MAP2: variants seen among roughly 807,000 people sequenced by gnomAD.
MAP2 encodes the protein microtubule-associated protein 2.
A neutral mutation model predicts 137.6 loss-of-function variants in MAP2; 14 were observed. The ratio of observed to expected loss-of-function variants is 0.10; its 90% CI spans 0.07 to 0.16. The LOEUF is 0.16. Among genes scored for constraint, MAP2 ranks in the 10% least tolerant of loss-of-function variants. MAP2 has a pLI of 1.00. For synonymous variants in MAP2, 786 were observed against 782.3 expected (o/e 1.00, Z -0.08); for missense variants, 2,088 against 2,191.5 (o/e 0.95, Z 0.94).
chr2:209,454,662 C>T (rs923366095), intron 1 of MAP2, among the ~76,000 whole-genome samples: 3 of 152,058 alleles, frequency 2.0e-5, no homozygotes, highest in Admixed American at 1.3e-4. Flanking sequence ...TTAGTAAATT[C>T]CACTGCATAG....
intron 13 of MAP2, among the ~76,000 whole-genome samples, chr2:209,712,805 C>T (rs1174098990): frequency 6.6e-6 from 1 of 152,054 alleles, no homozygotes; most frequent in Non-Finnish European, 1.5e-5. Flanking sequence ...TATTTTAGGG[C>T]TTCTTAGAAA....
At chr2:209,529,699 A>T (rs2064791770) in intron 2 of MAP2, among the ~76,000 whole-genome samples, 1 of 152,200 alleles carries the variant, frequency 6.6e-6, no homozygotes, top group Non-Finnish European at 1.5e-5. Flanking sequence ...GCAAGATGAA[A>T]AATGGTCCAT....
At position 209,641,480 on chromosome 2, in the gene MAP2, G is replaced by A. The variant is rs112971877; in HGVS notation, c.-29-11662G>A. On this transcript the variant is annotated intron_variant, in intron 4 of 15. Coordinates refer to ENST00000682079, the MANE Select transcript of MAP2 (RefSeq NM_001375505.1). ...GAAAAATTCTAATGTAGGGGTCAAA[G>A]TTTATTTGTTCAATGGCTCCATAGT... is the stretch of plus-strand genomic sequence containing the variant. Among the ~76,000 whole-genome samples, 318 of 151,430 alleles carry A rather than the reference G, an allele frequency of 2.1e-3. 3 individuals carry two copies. The highest frequency in any genetic ancestry group is 6.8e-3 in the African/African-American group (280 of 41,254).
Position 209,614,390 on chromosome 2 carries a change from T to G in MAP2, c.-106-10663T>G, listed in dbSNP as rs1443522607. On this transcript the variant is annotated intron_variant, in intron 3 of 15. Coordinates refer to ENST00000682079, the MANE Select transcript of MAP2 (RefSeq NM_001375505.1). ...TATTTATAGGGAGGCAGCCTCTTCT[T>G]TGTTTTTGTTTCCAGCAATCTCTAT... Among the ~76,000 whole-genome samples the G allele has an allele frequency of 2.6e-5, 4 of 152,128 alleles. No homozygotes were observed. The East Asian group carries it at 7.7e-4, about 29-fold the overall frequency.
chr2:209,536,772 A>AT (rs544016185), intron 2 of MAP2, among the ~76,000 whole-genome samples: 12 of 152,136 alleles, frequency 7.9e-5, no homozygotes, highest in East Asian at 5.8e-4. Context: ...ATATGATAGT[A>AT]TTTTTTTTCA....
chr2:209,708,135 A>G (rs1429163473), intron 12 of MAP2, among the ~76,000 whole-genome samples: 2 of 152,190 alleles, frequency 1.3e-5, no homozygotes, highest in Non-Finnish European at 2.9e-5. Context: ...GAAAGAAATA[A>G]TGTTTCTGGA....
intron 1 of MAP2, among the ~76,000 whole-genome samples, chr2:209,501,354 A>T (rs891314262): frequency 2.0e-5 from 3 of 152,186 alleles, no homozygotes; most frequent in Admixed American, 6.5e-5. Context: ...GTGAGGTATA[A>T]TCAGGCCTAT....
chr2:209,632,213 G>A (rs763727348), intron 4 of MAP2, among the ~76,000 whole-genome samples: 2 of 152,148 alleles, frequency 1.3e-5, no homozygotes, highest in African/African-American at 2.4e-5. Flanking sequence ...TGTAGCTGAG[G>A]ATAACAGTCA....
chr2:209,483,188 G>T (rs577843260), intron 1 of MAP2, among the ~76,000 whole-genome samples: 102 of 152,188 alleles, frequency 6.7e-4, no homozygotes, highest in Non-Finnish European at 1.3e-3. Flanking sequence ...AACAAATTAT[G>T]TTTGCTTATA....
At chr2:209,475,803 A>G (rs1186426977) in intron 1 of MAP2, among the ~76,000 whole-genome samples, 1 of 152,152 alleles carries the variant, frequency 6.6e-6, no homozygotes, top group Non-Finnish European at 1.5e-5. Flanking sequence ...TATTTATAGT[A>G]CTTAAGTACA....
intron 2 of MAP2, among the ~76,000 whole-genome samples, chr2:209,567,630 T>C (rs1021821581): frequency 6.6e-6 from 1 of 151,154 alleles, no homozygotes; most frequent in African/African-American, 2.4e-5. Context: ...GAATATTAAA[T>C]AAAACACTGA....
chr2:209,567,897 T>C (rs1039325571), intron 2 of MAP2, among the ~76,000 whole-genome samples: 1 of 152,052 alleles, frequency 6.6e-6, no homozygotes, highest in Non-Finnish European at 1.5e-5. Context: ...GAAGTTTTAG[T>C]AGAAATAGAA....
chr2:209,696,962 C>T lies in MAP2; in HGVS notation c.4433C>T (p.Ala1478Val), dbSNP rs1161600723. ...AELAKKTEVQ[A>V]HSPSRKFILK... Reference sequence around the variant, plus strand: ...CTTGCTAAAAAAACAGAAGTTCAGGCCCACTCTCCCTCCAGGAAATTCATT... The same window carrying T: ...CTTGCTAAAAAAACAGAAGTTCAGGTCCACTCTCCCTCCAGGAAATTCATT... Residue 1478 changes from alanine to valine, a missense_variant, in exon 10 of 16, where the codon GCC (alanine) becomes GTC (valine). Transcript: ENST00000682079. The T allele has an allele frequency of 6.2e-7, 1 of 1,613,150 alleles. No homozygotes were observed. The highest frequency in any genetic ancestry group is 2.2e-5 in the East Asian group (1 of 44,844).
At position 209,695,450 on chromosome 2, in the gene MAP2, G is replaced by C; in HGVS notation, c.3280G>C (p.Val1094Leu). 6.2e-7 allele frequency: 1 copy of C among 1,613,998 alleles called. No individual in the cohort carries two copies. The highest frequency in any genetic ancestry group is 1.1e-5 in the South Asian group (1 of 91,044). ...APQEADAFMG[V>L]ESGHMKEGTK... ...GCAGGAGGCAGATGCATTTATGGGT[G>C]TTGAGTCTGGCCACATGAAAGAAGG... The change falls in exon 8 of 16, where the codon GTT becomes CTT. Residue 1094 changes from valine to leucine, a missense_variant. Val to Leu is a conservative substitution (Grantham distance 32). Around this residue, in one of 6 missense-constraint regions of MAP2, gnomAD observed 500 missense variants for 482.9 expected, o/e 1.04. Coordinates refer to ENST00000682079, the MANE Select transcript of MAP2 (RefSeq NM_001375505.1).
At chr2:209,487,982 C>T (rs1490103935) in intron 1 of MAP2, among the ~76,000 whole-genome samples, 1 of 152,204 alleles carries the variant, frequency 6.6e-6, no homozygotes, top group Non-Finnish European at 1.5e-5. Context: ...AAAATAAATA[C>T]TGCTGGATTC....
chr2:209,597,845 C>T (rs1400436071), intron 3 of MAP2, among the ~76,000 whole-genome samples: 3 of 152,048 alleles, frequency 2.0e-5, no homozygotes, highest in Admixed American at 2.0e-4. Context: ...TGCTTATTGG[C>T]TGGGTCTCAG....
intron 7 of MAP2, among the ~76,000 whole-genome samples, chr2:209,681,762 T>C (rs982740147): frequency 6.6e-6 from 1 of 152,214 alleles, no homozygotes; most frequent in African/African-American, 2.4e-5. Flanking sequence ...AGAACATTTA[T>C]TTTAAAAGAC....
At chr2:209,666,094 G>T (rs2046194311) in intron 5 of MAP2, among the ~76,000 whole-genome samples, 1 of 151,884 alleles carries the variant, frequency 6.6e-6, no homozygotes, top group Admixed American at 6.6e-5. Context: ...TTAAAAATTG[G>T]CTTTGGTTGT....
At chr2:209,504,131 AT>A (rs1459115524) in intron 1 of MAP2, among the ~76,000 whole-genome samples, 1 of 151,498 alleles carries the variant, frequency 6.6e-6, no homozygotes, top group Non-Finnish European at 1.5e-5. Context: ...ACTAAGCAAG[AT>A]TTTTCTTGGA....
Sources: allele counts gnomAD v4.1 joint callset (sites outside exome capture counted in the v4.1 genomes callset), GRCh38; gene constraint gnomAD v4.1.1; regional missense constraint gnomAD v4.1.1; transcripts MANE v1.5; gene names NCBI Gene and HGNC (gene_info 2026-07-23, HGNC 2026-07-21).